HDAC8: variants seen among roughly 807,000 people sequenced by gnomAD.
HDAC8 encodes the protein histone deacetylase-like 1.
In HDAC8, 1 loss-of-function variant was observed where a neutral mutation model predicts 32.2. That is an observed-to-expected ratio of 0.03 (90% CI 0.01 to 0.15). The LOEUF is 0.15. HDAC8 is among the 10% of genes least tolerant of loss of function. The pLI is 1.00. For missense variants in HDAC8, 117 were observed against 300.0 expected (o/e 0.39, Z 4.51); for synonymous variants, 108 against 113.9 (o/e 0.95, Z 0.33).
chrX:72,471,875 C>CT (rs2148064750), intron 7 of HDAC8, among the ~76,000 whole-genome samples: 1 of 110,929 alleles, frequency 9.0e-6, no homozygotes, highest in African/African-American at 3.3e-5. Context: ...TCTATTTCTT[C>CT]TTTTTTTGCT....
intron 9 of HDAC8, among the ~76,000 whole-genome samples, chrX:72,446,349 G>A (rs1306850652): frequency 1.1e-4 from 12 of 111,854 alleles, no homozygotes; most frequent in Non-Finnish European, 2.3e-4. Flanking sequence ...GGAATACTAT[G>A]CAGCCATAAA....
chrX:72,441,180 C>T (rs1201592527), intron 9 of HDAC8, among the ~76,000 whole-genome samples: 2 of 112,702 alleles, frequency 1.8e-5, no homozygotes, highest in African/African-American at 6.4e-5. Context: ...TTGAAGAGAG[C>T]AGTGGTTCTC....
At chrX:72,476,370 A>C (rs782159262) in intron 7 of HDAC8, among the ~76,000 whole-genome samples, 10 of 110,801 alleles carry the variant, frequency 9.0e-5, no homozygotes, top group Non-Finnish European at 1.9e-4. Context: ...AAGCTGAAAA[A>C]CAAAAAATGG....
chrX:72,343,172 AC>A (rs1372066236), intron 10 of HDAC8, among the ~76,000 whole-genome samples: 3 of 107,941 alleles, frequency 2.8e-5, no homozygotes, highest in African/African-American at 1.0e-4. Context: ...GTACTTCACT[AC>A]CATTTTTTTT....
At chrX:72,443,276 TAGTTGGA>T (rs1201872825) in intron 9 of HDAC8, among the ~76,000 whole-genome samples, 1 of 108,659 alleles carries the variant, frequency 9.2e-6, no homozygotes, top group African/African-American at 3.4e-5. Context: ...ATTGACCACA[TAGTTGGA>T]AGTAAAGCTC....
intron 10 of HDAC8, among the ~76,000 whole-genome samples, chrX:72,333,800 C>T (rs1569222182): frequency 9.0e-6 from 1 of 111,298 alleles, no homozygotes; most frequent in African/African-American, 3.3e-5. Flanking sequence ...GTTTCCACAC[C>T]TTCGCTTGTG....
intron 9 of HDAC8, among the ~76,000 whole-genome samples, chrX:72,441,947 C>G (rs372539479): frequency 3.6e-5 from 4 of 110,257 alleles, no homozygotes; most frequent in Non-Finnish European, 7.6e-5. Flanking sequence ...GATGGAAGAT[C>G]AAATGAATGA....
Position 72,330,118 on chromosome X carries a change from T to C in HDAC8, c.1112-42A>G, listed in dbSNP as rs2984288. On this transcript the variant is annotated intron_variant, in intron 10 of 10. Coordinates refer to ENST00000373573, the MANE Select transcript of HDAC8 (RefSeq NM_018486.3). ...AAACAAAATTCAAAGTCAGGTAATG[T>C]ATGTGAATTATACCCCAATAGAGCT... The C allele has an allele frequency of 3.6e-3, 3,860 of 1,078,302 alleles. 92 individuals are homozygous for C. In the African/African-American group the frequency reaches 0.061, roughly 17 times the overall value. 88.9% of individuals were successfully genotyped at this position (1,078,302 alleles called of 1,213,427 possible).
At chrX:72,462,267 C>A (rs1027587638) in intron 8 of HDAC8, 169 bp from the exon 9 acceptor site, 2 of 427,322 alleles carry the variant, frequency 4.7e-6, no homozygotes, top group African/African-American at 5.0e-5. Context: ...AGTAGGCAGA[C>A]TTTGGTGGAC....
chrX:72,437,182 C>T (rs943081625), intron 9 of HDAC8, among the ~76,000 whole-genome samples: 8 of 111,370 alleles, frequency 7.2e-5, no homozygotes, highest in East Asian at 2.8e-4. Context: ...GTGCAGCCCA[C>T]GGAGGGTGAG....
At chrX:72,468,980 C>G (rs1216082547) in intron 7 of HDAC8, among the ~76,000 whole-genome samples, 1 of 111,537 alleles carries the variant, frequency 9.0e-6, no homozygotes, top group Non-Finnish European at 1.9e-5. Context: ...CACCTGCACT[C>G]TACTTTATTC....
intron 9 of HDAC8, among the ~76,000 whole-genome samples, chrX:72,419,447 T>C (rs782332373): frequency 1.8e-4 from 20 of 111,977 alleles, no homozygotes; most frequent in Admixed American, 1.0e-3. Flanking sequence ...TGTAATGACA[T>C]TGTAACCTGC....
intron 9 of HDAC8, among the ~76,000 whole-genome samples, chrX:72,456,475 T>C (rs1602946553): frequency 9.0e-6 from 1 of 111,511 alleles, no homozygotes; most frequent in Non-Finnish European, 1.9e-5. Context: ...AATGTAATAC[T>C]ATTTAAAAGT....
At chrX:72,330,359 C>T (rs1555939901) in intron 10 of HDAC8, among the ~76,000 whole-genome samples, 1 of 111,340 alleles carries the variant, frequency 9.0e-6, no homozygotes, top group Non-Finnish European at 1.9e-5. Flanking sequence ...GTGTATCCAG[C>T]CAGAACCAGA....
chrX:72,495,124 C>T, intron 5 of HDAC8, 32 bp downstream of exon 5: 1 of 1,040,307 alleles, frequency 9.6e-7, no homozygotes, highest in East Asian at 3.1e-5. Context: ...GCTGTCCTCG[C>T]AGCAAAGCAT....
At chrX:72,370,995 T>G (rs1386648910) in intron 9 of HDAC8, among the ~76,000 whole-genome samples, 1 of 112,228 alleles carries the variant, frequency 8.9e-6, no homozygotes, top group Non-Finnish European at 1.9e-5. Context: ...ATACTTTGTA[T>G]GTTTCAATCC....
At chrX:72,414,397 G>A (rs1442007844) in intron 9 of HDAC8, among the ~76,000 whole-genome samples, 6 of 111,494 alleles carry the variant, frequency 5.4e-5, no homozygotes, top group African/African-American at 1.6e-4. Flanking sequence ...GCTGCAGTAC[G>A]GTGACCCCAG....
chrX:72,421,951 T>C (rs1402872718), intron 9 of HDAC8, among the ~76,000 whole-genome samples: 2 of 112,229 alleles, frequency 1.8e-5, no homozygotes, highest in Admixed American at 9.4e-5. Context: ...TACAGTGTTT[T>C]TCTTTCAGAA....
intron 9 of HDAC8, among the ~76,000 whole-genome samples, chrX:72,366,366 G>C (rs2044697951): frequency 8.9e-6 from 1 of 111,765 alleles, no homozygotes; most frequent in Non-Finnish European, 1.9e-5. Context: ...TAGCCACATT[G>C]ACCTGAAGTG....
Sources: gnomAD v4.1 joint callset for allele counts (sites outside exome capture counted in the v4.1 genomes callset) on GRCh38, gnomAD v4.1.1 for gene constraint, MANE v1.5 for transcripts, NCBI Gene and HGNC (gene_info 2026-07-23, HGNC 2026-07-21) for gene names.